LDLRAD4: variants seen among roughly 807,000 people sequenced by gnomAD.
The protein encoded by LDLRAD4 is low density lipoprotein receptor class A domain containing 4, also known as low-density lipoprotein receptor class A domain-containing protein 4.
A neutral mutation model predicts 17.0 loss-of-function variants in LDLRAD4; 5 were observed. The ratio of observed to expected loss-of-function variants is 0.29; its 90% CI spans 0.15 to 0.62. The LOEUF (loss-of-function observed/expected upper bound fraction) is 0.62. Ranked by LOEUF, LDLRAD4 falls within the 20% of genes least tolerant of loss-of-function variation. The pLI, the probability that LDLRAD4 is intolerant of heterozygous loss-of-function variation, is 0.84. For synonymous variants in LDLRAD4, 168 were observed against 171.8 expected (o/e 0.98, Z 0.17); for missense variants, 340 against 424.7 (o/e 0.80, Z 1.75).
intron 1 of LDLRAD4, among the ~76,000 whole-genome samples, chr18:13,266,296 C>T (rs897779249): frequency 3.9e-5 from 6 of 152,236 alleles, no homozygotes; most frequent in African/African-American, 1.4e-4. Context: ...TGCCCTCCAG[C>T]CCTGCATTCA....
chr18:13,312,697 G>A (rs753672000), intron 1 of LDLRAD4, among the ~76,000 whole-genome samples: 4 of 152,018 alleles, frequency 2.6e-5, no homozygotes, highest in Non-Finnish European at 2.9e-5. Flanking sequence ...AGCTGTGATC[G>A]CACCACCGCA....
At chr18:13,259,095 G>A (rs568184866) in intron 1 of LDLRAD4, among the ~76,000 whole-genome samples, 1 of 152,360 alleles carries the variant, frequency 6.6e-6, no homozygotes, top group African/African-American at 2.4e-5. Flanking sequence ...TTCCCGCAGA[G>A]CACTTGTGCA....
At chr18:13,608,829 G>A (rs543890593) in intron 3 of LDLRAD4, among the ~76,000 whole-genome samples, 1 of 152,322 alleles carries the variant, frequency 6.6e-6, no homozygotes, top group East Asian at 1.9e-4. Context: ...TAAACGCTCA[G>A]GTAAATATTT....
At position 13,622,911 on chromosome 18, in the gene LDLRAD4, G is replaced by A. The variant is rs556982755; in HGVS notation, c.336+1640G>A. Among the ~76,000 whole-genome samples the A allele has an allele frequency of 9.8e-5, 15 of 152,310 alleles. No homozygotes were observed. The highest frequency in any genetic ancestry group is 3.9e-4 in the East Asian group (2 of 5,172). On this transcript the variant is annotated intron_variant, in intron 4 of 5. Coordinates refer to ENST00000359446, the Ensembl canonical transcript of LDLRAD4. This position sits in a 1 kb window ranked among gnomAD's most constrained non-coding sequence, Gnocchi z 5.3. ...TCCAGAACGCTTGGGGTCTCTGTGC[G>A]CAGGCACACAGGGAGTTTTCTGTCC...
At chr18:13,255,824 C>A (rs1051759251) in intron 1 of LDLRAD4, among the ~76,000 whole-genome samples, 4 of 152,090 alleles carry the variant, frequency 2.6e-5, no homozygotes, top group African/African-American at 9.7e-5. Context: ...TGTGGTGCGT[C>A]TGAATTTCTG....
intron 1 of LDLRAD4, among the ~76,000 whole-genome samples, chr18:13,246,063 A>G (rs903920069): frequency 6.6e-6 from 1 of 152,276 alleles, no homozygotes; most frequent in African/African-American, 2.4e-5. Flanking sequence ...ATTGTTAAAA[A>G]TGGATTCAAT....
intron 1 of LDLRAD4, among the ~76,000 whole-genome samples, chr18:13,301,096 A>G (rs1551365): frequency 0.57 from 86,235 of 151,954 alleles, 25,996 homozygotes; most frequent in African/African-American, 0.79. Flanking sequence ...GGGGGGGTAC[A>G]GGTGTTGGGA....
chr18:13,373,223 C>T (rs752664624), intron 1 of LDLRAD4, among the ~76,000 whole-genome samples: 9 of 151,974 alleles, frequency 5.9e-5, no homozygotes, highest in Admixed American at 1.3e-4. Flanking sequence ...TTCCTTTTCT[C>T]ATCGCAGCAG....
chr18:13,444,435 A>G (rs1325488546), intron 3 of LDLRAD4, among the ~76,000 whole-genome samples: 2 of 152,238 alleles, frequency 1.3e-5, no homozygotes. Flanking sequence ...TATCATAAAT[A>G]TGACATACAA....
At chr18:13,299,975 G>A (rs1320956368) in intron 1 of LDLRAD4, among the ~76,000 whole-genome samples, 1 of 152,208 alleles carries the variant, frequency 6.6e-6, no homozygotes, top group Non-Finnish European at 1.5e-5. Flanking sequence ...CACACTGAAG[G>A]CAGCCCACCT....
intron 3 of LDLRAD4, among the ~76,000 whole-genome samples, chr18:13,589,966 G>A (rs191649462): frequency 6.6e-6 from 1 of 151,962 alleles, no homozygotes; most frequent in Non-Finnish European, 1.5e-5. Context: ...TGTGCGAGTG[G>A]GTGTGCATGT....
intron 2 of LDLRAD4, among the ~76,000 whole-genome samples, chr18:13,391,931 G>GTT (rs2086303894): frequency 6.6e-6 from 1 of 152,136 alleles, no homozygotes; most frequent in African/African-American, 2.4e-5. Flanking sequence ...TTGTGTTCCT[G>GTT]TTGTTGGATA....
chr18:13,315,788 A>C (rs2080900232), intron 1 of LDLRAD4, among the ~76,000 whole-genome samples: 1 of 151,648 alleles, frequency 6.6e-6, no homozygotes. Flanking sequence ...CCGTCTAAAA[A>C]AAAAAAAAAA....
At chr18:13,637,036 G>A (rs940242222) in intron 4 of LDLRAD4, among the ~76,000 whole-genome samples, 3 of 152,162 alleles carry the variant, frequency 2.0e-5, no homozygotes, top group African/African-American at 7.2e-5. Flanking sequence ...GACCTCAGGT[G>A]ATCCACTCAC....
intron 1 of LDLRAD4, among the ~76,000 whole-genome samples, chr18:13,363,977 G>A (rs1461120688): frequency 6.6e-6 from 1 of 152,180 alleles, no homozygotes; most frequent in Non-Finnish European, 1.5e-5. Context: ...GATCTTGTGA[G>A]CAGGCTTTAA....
upstream of LDLRAD4, chr18:13,218,682 C>T (rs969215987): frequency 3.9e-5 from 6 of 152,190 alleles, no homozygotes; most frequent in African/African-American, 1.4e-4. Context: ...CACCCGGCGT[C>T]CCCCCGGGTC....
At chr18:13,637,291 C>T (rs1245100915) in intron 4 of LDLRAD4, among the ~76,000 whole-genome samples, 1 of 152,006 alleles carries the variant, frequency 6.6e-6, no homozygotes, top group African/African-American at 2.4e-5. Flanking sequence ...CGCAGATAGT[C>T]TTTATGCAGT....
intron 3 of LDLRAD4, among the ~76,000 whole-genome samples, chr18:13,454,675 C>T (rs528662412): frequency 1.3e-5 from 2 of 152,310 alleles, no homozygotes; most frequent in South Asian, 2.1e-4. Context: ...ATGCCTGGCC[C>T]GGGATGGCCA....
At chr18:13,456,007 G>A (rs2092113832) in intron 3 of LDLRAD4, among the ~76,000 whole-genome samples, 1 of 152,172 alleles carries the variant, frequency 6.6e-6, no homozygotes, top group Non-Finnish European at 1.5e-5. Flanking sequence ...GTCCCGCGCT[G>A]TCTGCATTGT....
Sources: allele counts gnomAD v4.1 joint callset (sites outside exome capture counted in the v4.1 genomes callset), GRCh38; gene constraint gnomAD v4.1.1; non-coding constraint Gnocchi (gnomAD v3.1); transcripts MANE v1.5; gene names NCBI Gene and HGNC (gene_info 2026-07-23, HGNC 2026-07-21).